The following PRKCQ variants were observed in gnomAD, a reference collection of about 807,000 sequenced individuals.
PRKCQ encodes the protein protein kinase C theta type.
PRKCQ carries 41 observed loss-of-function variants against 91.2 expected under a neutral mutation model. The observed-to-expected ratio is 0.45, with a 90% confidence interval of 0.35 to 0.58. PRKCQ has a LOEUF of 0.58. Among genes scored for constraint, PRKCQ ranks in the 20% least tolerant of loss-of-function variants. The pLI is 0.00. For synonymous variants in PRKCQ, 307 were observed against 316.9 expected (o/e 0.97, Z 0.33); for missense variants, 673 against 896.5 (o/e 0.75, Z 3.18).
intron 10 of PRKCQ, among the ~76,000 whole-genome samples, chr10:6,484,356 G>A (rs971860460): frequency 5.3e-5 from 8 of 152,072 alleles, no homozygotes; most frequent in African/African-American, 1.9e-4. Context: ...AGAGGTTACA[G>A]TGAGCTGAGA....
At chr10:6,573,516 C>G (rs577683898) in intron 1 of PRKCQ, among the ~76,000 whole-genome samples, 1 of 152,284 alleles carries the variant, frequency 6.6e-6, no homozygotes, top group South Asian at 2.1e-4. Flanking sequence ...AGCACCCAAG[C>G]AATCATCTAC....
At chr10:6,501,099 A>C (rs764173895) in intron 4 of PRKCQ, among the ~76,000 whole-genome samples, 1 of 152,230 alleles carries the variant, frequency 6.6e-6, no homozygotes, top group Non-Finnish European at 1.5e-5. Flanking sequence ...TGATAGAGAG[A>C]TATCAAGGAA....
rs373009519 is a variant in PRKCQ, at chr10:6,498,363, C to T, written c.542+33G>A. On this transcript the variant is annotated intron_variant, in intron 5 of 17. Transcript: ENST00000263125. ...AGAAGACGCAACAAAATGCATAACC[C>T]GAAGCTTGGAGGGAGATGCCAAGTT... is the stretch of plus-strand genomic sequence containing the variant. 98 of 1,609,712 alleles carry T rather than the reference C, an allele frequency of 6.1e-5. 2 individuals are homozygous for T. The highest frequency in any genetic ancestry group is 3.2e-4 in the Admixed American group (19 of 59,984).
intron 1 of PRKCQ, among the ~76,000 whole-genome samples, chr10:6,574,106 A>G (rs1243798739): frequency 5.3e-5 from 8 of 151,918 alleles, no homozygotes; most frequent in Non-Finnish European, 1.5e-5. Flanking sequence ...ACAGAGCAAG[A>G]CCCCGTAAAA....
At chr10:6,490,560 T>TAA (rs71515438) in intron 8 of PRKCQ, among the ~76,000 whole-genome samples, 27,899 of 128,872 alleles carry the variant, frequency 0.22, 3,750 homozygotes, top group Middle Eastern at 0.32. Flanking sequence ...ACCATACCTC[T>TAA]AAAAAAAAAA....
At chr10:6,567,242 T>TA (rs935390521) in intron 1 of PRKCQ, among the ~76,000 whole-genome samples, 1 of 152,054 alleles carries the variant, frequency 6.6e-6, no homozygotes, top group African/African-American at 2.4e-5. Flanking sequence ...ATAGGACACT[T>TA]AAAAAAATGC....
intron 1 of PRKCQ, among the ~76,000 whole-genome samples, chr10:6,565,601 C>G (rs931189425): frequency 6.6e-6 from 1 of 152,018 alleles, no homozygotes; most frequent in Non-Finnish European, 1.5e-5. Flanking sequence ...AACAAAAAGC[C>G]CTTTCTTCTT....
At chr10:6,433,667 C>A (rs1833528197) in intron 16 of PRKCQ, among the ~76,000 whole-genome samples, 1 of 152,106 alleles carries the variant, frequency 6.6e-6, no homozygotes, top group African/African-American at 2.4e-5. Context: ...CGAAATGACA[C>A]CTGCACCCCA....
At chr10:6,442,396 A>G (rs1369939512) in intron 15 of PRKCQ, among the ~76,000 whole-genome samples, 1 of 152,178 alleles carries the variant, frequency 6.6e-6, no homozygotes, top group East Asian at 1.9e-4. Context: ...GGTGGCAGAT[A>G]TTGGACCTAA....
At position 6,497,131 on chromosome 10, in the gene PRKCQ, G is replaced by A. The variant is rs142475246; in HGVS notation, c.575-11C>T. On this transcript the variant is annotated splice_polypyrimidine_tract_variant and intron_variant, in intron 6 of 17. Transcript: ENST00000263125. This position sits in a 1 kb window ranked among gnomAD's most constrained non-coding sequence, Gnocchi z 4.5. Reference sequence around the variant, plus strand: ...TTGCTGCATTGCATTCTGAAAAGAAGAAAAAAATCACAGCTTAAGATTTTC... The same window carrying A: ...TTGCTGCATTGCATTCTGAAAAGAAAAAAAAAATCACAGCTTAAGATTTTC... 73 of 1,613,762 alleles carry A rather than the reference G, an allele frequency of 4.5e-5. No individual in the cohort carries two copies. Among genetic ancestry groups the A allele is most frequent in the South Asian group, 4.0e-4 (36 of 91,048 alleles).
intron 16 of PRKCQ, among the ~76,000 whole-genome samples, chr10:6,434,567 GC>G (rs991013787): frequency 1.3e-5 from 2 of 152,106 alleles, no homozygotes; most frequent in Non-Finnish European, 2.9e-5. Flanking sequence ...TGGAAGCTCC[GC>G]CCCTGGAAAG....
the PRKCQ span, among the ~76,000 whole-genome samples, chr10:6,409,244 T>C: frequency 2.0e-5 from 3 of 152,240 alleles, no homozygotes; most frequent in African/African-American, 7.2e-5. Context: ...AATATGGGTG[T>C]TCCCCGCAGC....
chr10:6,395,090 T>C, the PRKCQ span, among the ~76,000 whole-genome samples: 1 of 122,980 alleles, frequency 8.1e-6, no homozygotes, highest in South Asian at 2.7e-4. Context: ...TGAGACGGAG[T>C]CTCGCTCTGT....
At chr10:6,434,203 C>T (rs1249066630) in intron 16 of PRKCQ, among the ~76,000 whole-genome samples, 1 of 152,008 alleles carries the variant, frequency 6.6e-6, no homozygotes, top group Non-Finnish European at 1.5e-5. Context: ...CAAAACCTCG[C>T]TCATGTTGTT....
chr10:6,423,858 C>T (rs925661049), downstream of PRKCQ, among the ~76,000 whole-genome samples: 5 of 152,132 alleles, frequency 3.3e-5, no homozygotes, highest in Non-Finnish European at 7.4e-5. Flanking sequence ...GCCTGTAGGA[C>T]GAAGTAATTT....
chr10:6,514,423 TG>T (rs1305305475), intron 2 of PRKCQ, among the ~76,000 whole-genome samples: 1 of 152,132 alleles, frequency 6.6e-6, no homozygotes, highest in East Asian at 1.9e-4. Context: ...AACAGGACGT[TG>T]GGTGGCTGTC....
chr10:6,498,672 G>A, intron 4 of PRKCQ, 114 bp from the exon 5 acceptor site: 1 of 958,702 alleles, frequency 1.0e-6, no homozygotes, highest in South Asian at 1.6e-5. Flanking sequence ...CCAGCTCTGA[G>A]TACCTGCTGT....
At chr10:6,505,935 C>A (rs912526001) in intron 4 of PRKCQ, among the ~76,000 whole-genome samples, 1 of 152,190 alleles carries the variant, frequency 6.6e-6, no homozygotes, top group African/African-American at 2.4e-5. Flanking sequence ...CATGAGCCAC[C>A]ATGCCCAGAC....
At chr10:6,437,706 C>T (rs1368947474) in intron 16 of PRKCQ, among the ~76,000 whole-genome samples, 1 of 152,052 alleles carries the variant, frequency 6.6e-6, no homozygotes, top group Non-Finnish European at 1.5e-5. Context: ...GGCTGGAGTG[C>T]AGTGGTGTGA....
Sources: allele counts gnomAD v4.1 joint callset (sites outside exome capture counted in the v4.1 genomes callset), GRCh38; gene constraint gnomAD v4.1.1; non-coding constraint Gnocchi (gnomAD v3.1); transcripts MANE v1.5; gene names NCBI Gene and HGNC (gene_info 2026-07-23, HGNC 2026-07-21).